PCLO: variants seen among roughly 807,000 people sequenced by gnomAD.
PCLO encodes protein piccolo.
PCLO carries 82 observed loss-of-function variants against 427.5 expected under a neutral mutation model. The observed-to-expected ratio is 0.19, with a 90% CI of 0.16 to 0.23. PCLO has a LOEUF of 0.23. PCLO is among the 10% of genes least tolerant of loss of function. The pLI is 1.00. For synonymous variants in PCLO, 2,357 were observed against 2,155.4 expected, an observed-to-expected ratio of 1.09 and a Z score of -2.59; for missense variants, 6,239 against 6,115.9, an observed-to-expected ratio of 1.02 and a Z score of -0.67.
At chr7:82,920,030 T>C (rs1794560511) in intron 6 of PCLO, among the ~76,000 whole-genome samples, 1 of 151,716 alleles carries the variant, frequency 6.6e-6, no homozygotes, top group Non-Finnish European at 1.5e-5. Flanking sequence ...AGAAATACAA[T>C]AAAGAATTTG....
chr7:82,872,831 C>T (rs1000412641), intron 10 of PCLO, among the ~76,000 whole-genome samples: 5 of 152,114 alleles, frequency 3.3e-5, no homozygotes, highest in African/African-American at 4.8e-5. Context: ...GTTACATGTA[C>T]GTTTTGATTA....
intron 3 of PCLO, among the ~76,000 whole-genome samples, chr7:83,130,062 C>T (rs1173749048): frequency 6.6e-6 from 1 of 151,512 alleles, no homozygotes; most frequent in Non-Finnish European, 1.5e-5. Context: ...GACTTTAAAA[C>T]TGCTATCAGG....
Position 83,135,299 on chromosome 7 carries a change from C to T in PCLO, c.2251G>A (p.Asp751Asn), listed in dbSNP as rs1791694700. 2 of 1,613,788 alleles carry T rather than the reference C, an allele frequency of 1.2e-6. No homozygotes were observed. The highest frequency in any genetic ancestry group is 2.7e-5 in the African/African-American group (2 of 74,888). ...ATCTTGGGCTGCTTTGGTTTATCAT[C>T]AGCAACAGGGGCCTTGTCCTGCTCA... ...PSEQDKAPVA[D>N]DKPKQPKMVK... is the part of the protein sequence containing the mutation. The change falls in exon 3 of 25, where the codon GAT becomes AAT. Residue 751 changes from aspartate (D) to asparagine (N), a missense_variant. This residue lies in a region of PCLO where 4,677 missense variants were observed against 4,468.4 expected (regional missense o/e 1.05). Transcript: ENST00000333891.
intron 2 of PCLO, among the ~76,000 whole-genome samples, chr7:83,142,179 G>A (rs75521325): frequency 1.3e-5 from 2 of 152,046 alleles, no homozygotes; most frequent in African/African-American, 4.8e-5. Context: ...GTAGTACTTG[G>A]AATAATGAAA....
intron 22 of PCLO, among the ~76,000 whole-genome samples, chr7:82,788,464 C>G (rs1222180936): frequency 6.6e-6 from 1 of 151,834 alleles, no homozygotes; most frequent in Non-Finnish European, 1.5e-5. Flanking sequence ...TCTCAGCGAA[C>G]TTTGTGAAAT....
intron 3 of PCLO, among the ~76,000 whole-genome samples, chr7:83,075,261 C>T (rs1458042315): frequency 6.6e-6 from 1 of 152,022 alleles, no homozygotes; most frequent in Admixed American, 6.6e-5. Flanking sequence ...TTTCTAAGGA[C>T]TATTTTCTTT....
chr7:82,951,422 C>T lies in PCLO; in HGVS notation c.9166G>A (p.Ala3056Thr), dbSNP rs933510861. The T allele has an allele frequency of 3.1e-6, 5 of 1,595,682 alleles. No homozygotes were observed. In the Admixed American group the frequency reaches 7.0e-5, roughly 22 times the overall value. ...YPETRQVISG[A>T]GISTPQYSTA... ...GAATACTGTGGGGTACTAATCCCAG[C>T]TCCTGAAATGACTTGTCGTGTTTCT... Residue 3056 changes from alanine to threonine, a missense_variant, in exon 6 of 25, where the codon GCT (alanine) becomes ACT (threonine). Ala to Thr is a moderately conservative substitution (Grantham distance 58). This residue lies in a region of PCLO where 4,677 missense variants were observed against 4,468.4 expected (regional missense o/e 1.05). Coordinates refer to ENST00000333891, the MANE Select transcript of PCLO (RefSeq NM_033026.6).
At chr7:82,799,623 C>T (rs985630125) in intron 22 of PCLO, among the ~76,000 whole-genome samples, 5 of 152,138 alleles carry the variant, frequency 3.3e-5, no homozygotes, top group African/African-American at 1.2e-4. Context: ...GTACAGTTTT[C>T]CAGACCTCTC....
At chr7:82,802,686 A>G (rs1011450376) in intron 21 of PCLO, among the ~76,000 whole-genome samples, 1 of 152,190 alleles carries the variant, frequency 6.6e-6, no homozygotes, top group African/African-American at 2.4e-5. Flanking sequence ...CACTTCTAGC[A>G]TAGTGGGATT....
At chr7:83,101,614 C>T (rs1790741473) in intron 3 of PCLO, among the ~76,000 whole-genome samples, 1 of 152,064 alleles carries the variant, frequency 6.6e-6, no homozygotes, top group Non-Finnish European at 1.5e-5. Flanking sequence ...TGTTAGTTAG[C>T]TAATGTATGT....
intron 3 of PCLO, among the ~76,000 whole-genome samples, chr7:82,980,490 A>G (rs1796122396): frequency 6.6e-6 from 1 of 152,168 alleles, no homozygotes; most frequent in Non-Finnish European, 1.5e-5. Context: ...CATCTTGGAA[A>G]GAATATGATA....
At chr7:82,771,542 T>C (rs1328242242) in intron 22 of PCLO, among the ~76,000 whole-genome samples, 1 of 152,080 alleles carries the variant, frequency 6.6e-6, no homozygotes, top group Non-Finnish European at 1.5e-5. Flanking sequence ...AAAAATAACA[T>C]GTAAACTTCT....
At chr7:82,893,970 C>T (rs1481077075) in intron 9 of PCLO, among the ~76,000 whole-genome samples, 2 of 151,794 alleles carry the variant, frequency 1.3e-5, no homozygotes, top group Admixed American at 6.6e-5. Context: ...AAATAAATTT[C>T]ATTCATTATC....
chr7:83,117,250 G>A (rs1791158216), intron 3 of PCLO, among the ~76,000 whole-genome samples: 1 of 152,140 alleles, frequency 6.6e-6, no homozygotes, highest in African/African-American at 2.4e-5. Flanking sequence ...CTTCAGAAGA[G>A]TCTCTTGGGG....
At chr7:83,024,020 G>T (rs2116078098) in intron 3 of PCLO, among the ~76,000 whole-genome samples, 1 of 152,266 alleles carries the variant, frequency 6.6e-6, no homozygotes, top group Middle Eastern at 3.4e-3. Flanking sequence ...ATCATTTATT[G>T]CTTACTGGCT....
intron 3 of PCLO, among the ~76,000 whole-genome samples, chr7:83,011,702 C>T (rs950396837): frequency 6.6e-6 from 1 of 151,926 alleles, no homozygotes; most frequent in African/African-American, 2.4e-5. Flanking sequence ...TCCAAAGATA[C>T]AATTGTGACT....
intron 3 of PCLO, among the ~76,000 whole-genome samples, chr7:83,023,125 C>A (rs1788387059): frequency 6.6e-6 from 1 of 151,772 alleles, no homozygotes; most frequent in African/African-American, 2.4e-5. Flanking sequence ...CAAAATTTGT[C>A]AAAAAAAGTC....
intron 20 of PCLO, among the ~76,000 whole-genome samples, chr7:82,816,242 T>C (rs1791676634): frequency 6.6e-6 from 1 of 152,096 alleles, no homozygotes; most frequent in Admixed American, 6.6e-5. Context: ...AACTAAGCAT[T>C]TCATGGATAG....
At position 82,914,949 on chromosome 7, in the gene PCLO, T is replaced by C. The variant is rs370568735; in HGVS notation, c.13037A>G (p.Gln4346Arg). Reference sequence around the variant, plus strand: ...CACAATTGGTATTCTTCCTCTACTTTGACTAATTGGCAAACTGGTCGGCTT... The same window carrying C: ...CACAATTGGTATTCTTCCTCTACTTCGACTAATTGGCAAACTGGTCGGCTT... ...RTKPTSLPISQSRGRIPIVAQ... is the reference protein window; with the variant it reads ...RTKPTSLPISRSRGRIPIVAQ... Residue 4346 changes from glutamine (Q) to arginine (R), a missense_variant, in exon 7 of 25, where the codon CAA (glutamine) becomes CGA (arginine). Gln to Arg is a conservative substitution (Grantham distance 43). This residue lies in a region of PCLO where 680 missense variants were observed against 677.3 expected (regional missense o/e 1.00). Transcript: ENST00000333891. 6.2e-7 allele frequency: 1 copy of C among 1,613,596 alleles called. No homozygotes were observed. Among genetic ancestry groups the C allele is most frequent in the Non-Finnish European group, 8.5e-7 (1 of 1,179,730 alleles).
Sources: allele counts gnomAD v4.1 joint callset (sites outside exome capture counted in the v4.1 genomes callset), GRCh38; gene constraint gnomAD v4.1.1; regional missense constraint gnomAD v4.1.1; transcripts MANE v1.5; gene names NCBI Gene and HGNC (gene_info 2026-07-23, HGNC 2026-07-21).